The following METTL21C variants were observed in gnomAD, a reference collection of about 807,000 sequenced individuals.
METTL21C encodes the protein methyltransferase 21C, AARS1 lysine.
A neutral mutation model predicts 25.9 loss-of-function variants in METTL21C; 21 were observed. The observed-to-expected ratio is 0.81, with a 90% CI of 0.58 to 1.17. The LOEUF is 1.17. METTL21C is among the 50% of genes most tolerant of loss of function. The probability of loss-of-function intolerance (pLI) is 0.00; values close to 1 mark genes in which losing one functional copy is unlikely to be tolerated. For synonymous variants in METTL21C, 125 were observed against 124.7 expected (o/e 1.00, Z -0.01); for missense variants, 312 against 315.1 (o/e 0.99, Z 0.07).
chr13:102,696,564 C>T (rs1430897031), upstream of METTL21C, among the ~76,000 whole-genome samples: 1 of 152,058 alleles, frequency 6.6e-6, no homozygotes, highest in Non-Finnish European at 1.5e-5. Flanking sequence ...TTAATACTTT[C>T]TTCAAAGCCA....
chr13:102,689,286 A>G (rs1885766343), intron 2 of METTL21C, among the ~76,000 whole-genome samples: 1 of 152,178 alleles, frequency 6.6e-6, no homozygotes, highest in South Asian at 2.1e-4. Context: ...TATTTGCTGA[A>G]TGTGTTACAA....
At chr13:102,692,718 G>A (rs938754666) in intron 1 of METTL21C, among the ~76,000 whole-genome samples, 2 of 152,194 alleles carry the variant, frequency 1.3e-5, no homozygotes, top group Non-Finnish European at 2.9e-5. Flanking sequence ...AAAAAGGTGA[G>A]CTTCCAGAAA....
the METTL21C span, among the ~76,000 whole-genome samples, chr13:102,702,587 G>A: frequency 2.8e-5 from 4 of 145,224 alleles, no homozygotes; most frequent in Non-Finnish European, 5.9e-5. Context: ...TACAAAAACA[G>A]GATTTTTTTT....
chr13:102,687,726 A>G (rs1341247252), intron 2 of METTL21C, among the ~76,000 whole-genome samples: 1 of 152,218 alleles, frequency 6.6e-6, no homozygotes, highest in Non-Finnish European at 1.5e-5. Flanking sequence ...ACGTCTAAAC[A>G]AGCCCTGACA....
At chr13:102,693,204 T>C (rs1885873295) in intron 1 of METTL21C, among the ~76,000 whole-genome samples, 1 of 152,168 alleles carries the variant, frequency 6.6e-6, no homozygotes, top group African/African-American at 2.4e-5. Flanking sequence ...GAAGAGGTAA[T>C]AGAATAATTG....
At position 102,686,529 on chromosome 13, in the gene METTL21C, C is replaced by G. The variant is rs1051831064; in HGVS notation, c.401-104G>C. On this transcript the variant is annotated intron_variant, in intron 3 of 3. Transcript: ENST00000267273. ...ACAACTGGATTCCTTAGCCTTGGCT[C>G]TATTGGTGGGTGGGCTGGACATGTT... 1.6e-5 allele frequency: 22 copies of G among 1,352,674 alleles called. No homozygotes were observed. The Admixed American group carries it at 5.4e-4, about 33-fold the overall frequency. The allele number at this position is 1,352,674 out of a possible 1,614,324, so 83.8% of individuals were successfully genotyped here.
Position 102,686,969 on chromosome 13 carries a change from C to A in METTL21C, c.371G>T (p.Gly124Val). Residue 124 changes from glycine to valine, a missense_variant, in exon 3 of 4, where the codon GGC becomes GTC. Transcript: ENST00000267273. The part of the protein sequence containing the change: ...AKILEIGAGP[G>V]LVSIVASILG... ...AATACTGGCCACAATGGAAACAAGG[C>A]CTGGTCCGGCACCAATTTCAAGTAT... is the stretch of plus-strand genomic sequence containing the variant. 1 of 1,614,086 alleles carries A rather than the reference C, an allele frequency of 6.2e-7. No individual in the cohort carries two copies. Among genetic ancestry groups the A allele is most frequent in the Non-Finnish European group, 8.5e-7 (1 of 1,179,964 alleles).
At chr13:102,696,941 G>A (rs937956555), upstream of METTL21C, among the ~76,000 whole-genome samples, 1 of 152,178 alleles carries the variant, frequency 6.6e-6, no homozygotes. Flanking sequence ...GAGGGAACAG[G>A]GCAGGGACAC....
chr13:102,701,972 C>T, the METTL21C span, among the ~76,000 whole-genome samples: 21,180 of 151,888 alleles, frequency 0.14, 1,478 homozygotes, highest in South Asian at 0.22. Context: ...TGAGACCAGC[C>T]TAAACAACAT....
the METTL21C span, among the ~76,000 whole-genome samples, chr13:102,700,121 G>T: frequency 6.6e-6 from 1 of 152,192 alleles, no homozygotes; most frequent in South Asian, 2.1e-4. Flanking sequence ...AGTGAAGAAG[G>T]AAATAAAGCA....
At chr13:102,693,013 G>A (rs1421536946) in intron 1 of METTL21C, among the ~76,000 whole-genome samples, 1 of 152,152 alleles carries the variant, frequency 6.6e-6, no homozygotes, top group Non-Finnish European at 1.5e-5. Flanking sequence ...TTCAGCAAGA[G>A]GGGAAGAAGC....
chr13:102,699,458 T>C (rs1338291402), upstream of METTL21C, among the ~76,000 whole-genome samples: 1 of 152,132 alleles, frequency 6.6e-6, no homozygotes, highest in Non-Finnish European at 1.5e-5. Flanking sequence ...CATCCCAGAA[T>C]ATGAATAGGA....
At position 102,694,966 on chromosome 13, in the gene METTL21C, A is replaced by G. The variant is rs2138891684; in HGVS notation, c.-468T>C. Among the ~76,000 whole-genome samples, 1 of 151,866 alleles carries G rather than the reference A, an allele frequency of 6.6e-6. No individual in the cohort carries two copies. The highest frequency in any genetic ancestry group is 2.1e-4 in the South Asian group (1 of 4,798). On this transcript the variant is annotated 5_prime_UTR_variant, in exon 1 of 4. Transcript: ENST00000267273. ...GCAACATTCAATGGAATTCCCTTCA[A>G]AAGTTTCAGGAATATCACTGGAACA... is the stretch of plus-strand genomic sequence containing the variant.
chr13:102,694,468 G>T lies in METTL21C; in HGVS notation c.31C>A (p.Pro11Thr). 6.2e-7 allele frequency: 1 copy of T among 1,605,246 alleles called. No homozygotes were observed. The highest frequency in any genetic ancestry group is 8.5e-7 in the Non-Finnish European group (1 of 1,177,296). Residue 11 changes from proline (P) to threonine (T), a missense_variant, in exon 1 of 4, where the codon CCT becomes ACT. Physicochemically the swap from Pro to Thr is conservative, Grantham distance 38. Coordinates refer to ENST00000267273, the MANE Select transcript of METTL21C (RefSeq NM_001010977.3). ...CTGAGTCCTTCCCCCCGGCGCCCAG[G>T]CTGCTGCGCGGAGCTCAGACACACG... MDVCLSSAQQ[P>T]GRRGEGLSSP... is the part of the protein sequence containing the mutation.
the METTL21C span, among the ~76,000 whole-genome samples, chr13:102,701,734 T>C: frequency 1.8e-3 from 271 of 152,250 alleles, no homozygotes; most frequent in African/African-American, 6.5e-3. Context: ...TAGTGGGAGC[T>C]GATAAAAGGG....
intron 3 of METTL21C, 24 bp downstream of exon 3, chr13:102,686,916 T>C: frequency 1.3e-6 from 2 of 1,556,538 alleles, no homozygotes; most frequent in Non-Finnish European, 1.8e-6. Context: ...ATCTGGATAC[T>C]AGGTCAGGAA....
At chr13:102,693,482 A>T (rs1476216771) in intron 1 of METTL21C, among the ~76,000 whole-genome samples, 1 of 152,118 alleles carries the variant, frequency 6.6e-6, no homozygotes, top group Non-Finnish European at 1.5e-5. Context: ...CCCTCCTTCC[A>T]AATGTCACCA....
the METTL21C span, among the ~76,000 whole-genome samples, chr13:102,701,455 C>T: frequency 6.6e-6 from 1 of 152,176 alleles, no homozygotes; most frequent in Non-Finnish European, 1.5e-5. Flanking sequence ...AATAATGAAG[C>T]CATTCAAGGA....
chr13:102,691,481 C>T (rs964838391), intron 1 of METTL21C, among the ~76,000 whole-genome samples: 8 of 152,100 alleles, frequency 5.3e-5, no homozygotes, highest in African/African-American at 1.9e-4. Context: ...TCCTGAGTAA[C>T]TGGGATTACA....
Sources: gnomAD v4.1 joint callset for allele counts (sites outside exome capture counted in the v4.1 genomes callset) on GRCh38, gnomAD v4.1.1 for gene constraint, MANE v1.5 for transcripts, NCBI Gene and HGNC (gene_info 2026-07-23, HGNC 2026-07-21) for gene names.